Variants in STAC observed in about 807,000 individuals in gnomAD.
The protein encoded by STAC is SH3 and cysteine rich domain.
A neutral mutation model predicts 48.8 loss-of-function variants in STAC; 43 were observed. The ratio of observed to expected loss-of-function variants is 0.88; its 90% CI spans 0.69 to 1.14. The LOEUF (loss-of-function observed/expected upper bound fraction) is 1.14. Among genes scored for constraint, STAC ranks in the 50% most tolerant of loss-of-function variants. STAC has a pLI of 0.00. For synonymous variants in STAC, 193 were observed against 179.5 expected, an observed-to-expected ratio of 1.07 and a Z score of -0.60; for missense variants, 497 against 504.0, an observed-to-expected ratio of 0.99 and a Z score of 0.13.
At chr3:36,542,401 T>A (rs904234046) in intron 10 of STAC, among the ~76,000 whole-genome samples, 14 of 152,132 alleles carry the variant, frequency 9.2e-5, no homozygotes, top group Non-Finnish European at 1.8e-4. Flanking sequence ...TGGCTTGCAT[T>A]TCCTGCATAC....
At chr3:36,381,705 C>G (rs1699513150) in intron 1 of STAC, among the ~76,000 whole-genome samples, 1 of 152,168 alleles carries the variant, frequency 6.6e-6, no homozygotes, top group Non-Finnish European at 1.5e-5. Context: ...GATCCTGTCT[C>G]TCTTCACATG....
At chr3:36,430,248 G>A (rs1575193277) in intron 1 of STAC, among the ~76,000 whole-genome samples, 1 of 152,214 alleles carries the variant, frequency 6.6e-6, no homozygotes, top group East Asian at 1.9e-4. Context: ...TCAGCGTATA[G>A]AATAAGAGTA....
intron 9 of STAC, 25 bp downstream of exon 9, chr3:36,528,772 A>C (rs1424149087): frequency 6.2e-7 from 1 of 1,600,560 alleles, no homozygotes; most frequent in Admixed American, 1.7e-5. Context: ...TTCTTTAAAA[A>C]AAAAAGAGAA....
At chr3:36,429,192 TACTA>T (rs1022308762) in intron 1 of STAC, among the ~76,000 whole-genome samples, 15 of 152,332 alleles carry the variant, frequency 9.8e-5, no homozygotes, top group African/African-American at 3.6e-4. Context: ...CTATGCCCTT[TACTA>T]ACTTAGAGTC....
At chr3:36,387,326 C>T (rs62245722) in intron 1 of STAC, among the ~76,000 whole-genome samples, 12,095 of 151,918 alleles carry the variant, frequency 0.08, 512 homozygotes, top group African/African-American at 0.1. Context: ...GTAAAATATG[C>T]GTAATGTAAA....
chr3:36,490,181 C>T (rs957326046), intron 5 of STAC, among the ~76,000 whole-genome samples: 2 of 152,172 alleles, frequency 1.3e-5, no homozygotes, highest in Admixed American at 1.3e-4. Flanking sequence ...TTTACAGTGG[C>T]CACAAGCCTG....
At chr3:36,451,851 T>G (rs1159904474) in intron 2 of STAC, among the ~76,000 whole-genome samples, 1 of 152,262 alleles carries the variant, frequency 6.6e-6, no homozygotes, top group African/African-American at 2.4e-5. Flanking sequence ...TTTTCAGTAA[T>G]ATTTTATCAA....
At chr3:36,432,373 G>T (rs143943575) in intron 1 of STAC, among the ~76,000 whole-genome samples, 1 of 152,150 alleles carries the variant, frequency 6.6e-6, no homozygotes, top group Admixed American at 6.5e-5. Flanking sequence ...GGTATGAAAG[G>T]CTCCTCTATC....
intron 2 of STAC, among the ~76,000 whole-genome samples, chr3:36,475,299 T>C (rs2125694518): frequency 6.6e-6 from 1 of 152,284 alleles, no homozygotes. Context: ...CATTGACTTC[T>C]TCAAATCATC....
At chr3:36,386,475 AT>A (rs77122382) in intron 1 of STAC, among the ~76,000 whole-genome samples, 28,846 of 151,094 alleles carry the variant, frequency 0.19, 3,332 homozygotes, top group Middle Eastern at 0.24. Flanking sequence ...TAATTCTTAC[AT>A]TTTTCTCTTC....
intron 2 of STAC, among the ~76,000 whole-genome samples, chr3:36,472,295 C>A (rs1697363157): frequency 6.6e-6 from 1 of 152,222 alleles, no homozygotes; most frequent in Non-Finnish European, 1.5e-5. Context: ...GGGCCCGGCC[C>A]ACGAAACCAC....
At chr3:36,512,249 A>G (rs1292123069) in intron 8 of STAC, among the ~76,000 whole-genome samples, 1 of 152,148 alleles carries the variant, frequency 6.6e-6, no homozygotes. Context: ...GACGGGCTTT[A>G]TCAAGTAAAG....
At chr3:36,504,595 G>A (rs142381709) in intron 7 of STAC, 138 bp downstream of exon 7, 32 of 677,394 alleles carry the variant, frequency 4.7e-5, no homozygotes, top group African/African-American at 4.0e-4. Flanking sequence ...ATAGCACAAC[G>A]TACCATAGCA....
chr3:36,465,896 G>A (rs957214504), intron 2 of STAC, among the ~76,000 whole-genome samples: 7 of 151,870 alleles, frequency 4.6e-5, no homozygotes, highest in East Asian at 1.9e-4. Flanking sequence ...ACCTTCCCCC[G>A]CCCACTGATT....
chr3:36,437,605 C>T, intron 1 of STAC, among the ~76,000 whole-genome samples: 1 of 120,038 alleles, frequency 8.3e-6, no homozygotes. Flanking sequence ...GGAAGGGGAA[C>T]ATCACACTCT....
intron 5 of STAC, among the ~76,000 whole-genome samples, chr3:36,492,067 T>TATATATAA (rs1698001562): frequency 5.1e-5 from 5 of 97,446 alleles, no homozygotes; most frequent in Admixed American, 1.2e-4. Flanking sequence ...TATATATATA[T>TATATATAA]GTGACTGTCC....
chr3:36,475,634 C>T (rs1206067821), intron 2 of STAC, among the ~76,000 whole-genome samples: 2 of 152,116 alleles, frequency 1.3e-5, no homozygotes, highest in South Asian at 2.1e-4. Flanking sequence ...GTGGGTCACC[C>T]GGGGAGGCAT....
At chr3:36,469,987 T>C (rs1697285540) in intron 2 of STAC, among the ~76,000 whole-genome samples, 1 of 152,218 alleles carries the variant, frequency 6.6e-6, no homozygotes, top group South Asian at 2.1e-4. Flanking sequence ...ATCATGTTTT[T>C]TATTTCTTTA....
intron 8 of STAC, among the ~76,000 whole-genome samples, chr3:36,510,720 C>T (rs140995675): frequency 1.9e-3 from 292 of 152,198 alleles, no homozygotes; most frequent in African/African-American, 6.6e-3. Flanking sequence ...GAAAACCAAA[C>T]GCCGCATGTT....
Sources: gnomAD v4.1 joint callset for allele counts (sites outside exome capture counted in the v4.1 genomes callset) on GRCh38, gnomAD v4.1.1 for gene constraint, MANE v1.5 for transcripts, NCBI Gene and HGNC (gene_info 2026-07-23, HGNC 2026-07-21) for gene names.